Variants in CCDC144A observed in about 807,000 individuals in gnomAD.
CCDC144A encodes coiled-coil domain containing 144A.
Under a neutral mutation model 143.8 loss-of-function variants are expected in CCDC144A, and 41 were observed. The ratio of observed to expected loss-of-function variants is 0.29; its 90% CI spans 0.22 to 0.37. The LOEUF is 0.37. Among genes scored for constraint, CCDC144A ranks in the 10% least tolerant of loss-of-function variants. The pLI, the probability that CCDC144A is intolerant of heterozygous loss-of-function variation, is 1.00. For missense variants in CCDC144A, 637 were observed against 1,488.8 expected, an observed-to-expected ratio of 0.43 and a Z score of 9.41; for synonymous variants, 242 against 517.9, an observed-to-expected ratio of 0.47 and a Z score of 7.23.
the CCDC144A span, chr17:16,683,885 G>A: frequency 4.5e-6 from 6 of 1,345,652 alleles, no homozygotes; most frequent in Non-Finnish European, 6.4e-6. Context: ...CGTCGTCTAC[G>A]CTGATGGCTG....
chr17:16,703,540 A>C (rs3101955), intron 2 of CCDC144A, among the ~76,000 whole-genome samples: 151,777 of 152,278 alleles, frequency 1, 75,647 homozygotes, highest in Middle Eastern at 1. Flanking sequence ...CGTGGTGGCT[A>C]ACGCCTGTAA....
Position 16,776,497 on chromosome 17 carries a change from C to T in CCDC144A, c.*2864C>T, listed in dbSNP as rs1264823494. The T allele has an allele frequency of 7.2e-5, 11 of 152,218 alleles. No individual in the cohort carries two copies. Among genetic ancestry groups the T allele is most frequent in the African/African-American group, 1.2e-4 (5 of 41,434 alleles). 9.4% of individuals were successfully genotyped at this position (152,218 alleles called of 1,614,324 possible). A position where few individuals can be genotyped will look rare whatever the true frequency, so the allele number is the denominator to read the frequency against. ...GGGAGTTAATTCATGAGTTTTCTCT[C>T]GGCTTGCCTGTTGTTGGTGTATAGG... On this transcript the variant is annotated 3_prime_UTR_variant, in exon 17 of 17. Transcript: ENST00000399273.
the CCDC144A span, among the ~76,000 whole-genome samples, chr17:16,673,719 C>A: frequency 6.6e-6 from 1 of 152,074 alleles, no homozygotes; most frequent in Admixed American, 6.6e-5. Flanking sequence ...TTTATACTAT[C>A]GTTTAATCTA....
At chr17:16,755,078 T>C (rs540509063) in intron 12 of CCDC144A, among the ~76,000 whole-genome samples, 2 of 152,398 alleles carry the variant, frequency 1.3e-5, no homozygotes, top group South Asian at 4.1e-4. Flanking sequence ...GGTTTCCATT[T>C]GCATGGAATA....
chr17:16,721,953 A>G (rs1913114952), intron 8 of CCDC144A, among the ~76,000 whole-genome samples: 1 of 152,180 alleles, frequency 6.6e-6, no homozygotes, highest in Non-Finnish European at 1.5e-5. Flanking sequence ...TTTCTTTCCT[A>G]ACTGCACTGG....
At chr17:16,686,101 T>TG (rs202220807), upstream of CCDC144A, among the ~76,000 whole-genome samples, 453 of 147,436 alleles carry the variant, frequency 3.1e-3, 2 homozygotes, top group South Asian at 0.018. Context: ...GTTTTTTTTT[T>TG]TTTTTTTTTT....
At chr17:16,732,790 C>T (rs1393659230) in intron 11 of CCDC144A, 124 bp downstream of exon 11, 16 of 727,564 alleles carry the variant, frequency 2.2e-5, no homozygotes, top group African/African-American at 7.4e-5. Context: ...CACACACACA[C>T]ACACATTTGG....
At chr17:16,697,488 A>C (rs1294842438) in intron 2 of CCDC144A, among the ~76,000 whole-genome samples, 2 of 152,168 alleles carry the variant, frequency 1.3e-5, no homozygotes, top group Non-Finnish European at 2.9e-5. Flanking sequence ...ACAGGGAAAC[A>C]AAAGAAACAT....
chr17:16,748,328 T>G (rs536852685), intron 12 of CCDC144A, among the ~76,000 whole-genome samples: 90 of 152,328 alleles, frequency 5.9e-4, no homozygotes, highest in Non-Finnish European at 8.5e-4. Context: ...ATTGAAAGCT[T>G]TTTTGCATCT....
upstream of CCDC144A, among the ~76,000 whole-genome samples, chr17:16,688,404 C>T (rs1410315454): frequency 6.6e-6 from 1 of 151,648 alleles, no homozygotes; most frequent in Non-Finnish European, 1.5e-5. Flanking sequence ...GACTAAATGC[C>T]AACTGAGACC....
At chr17:16,704,480 A>G (rs1164122524) in intron 2 of CCDC144A, among the ~76,000 whole-genome samples, 5 of 152,026 alleles carry the variant, frequency 3.3e-5, no homozygotes, top group Non-Finnish European at 5.9e-5. Context: ...AAAATTTTAC[A>G]TCCCAACAAT....
chr17:16,767,294 C>CAAAAAAAA (rs765969718), intron 15 of CCDC144A: 3 of 95,370 alleles, frequency 3.1e-5, no homozygotes, highest in African/African-American at 4.5e-5. Flanking sequence ...GACTCCATCT[C>CAAAAAAAA]AAAAAAAAAA....
At chr17:16,677,369 C>G in the CCDC144A span, among the ~76,000 whole-genome samples, 1 of 152,098 alleles carries the variant, frequency 6.6e-6, no homozygotes, top group Non-Finnish European at 1.5e-5. Flanking sequence ...CCAGAGGGGA[C>G]CAGCAAATAC....
the CCDC144A span, among the ~76,000 whole-genome samples, chr17:16,681,580 G>A: frequency 6.6e-6 from 1 of 152,056 alleles, no homozygotes; most frequent in African/African-American, 2.4e-5. Flanking sequence ...AGCGTTGGCC[G>A]GGCATGGTGG....
chr17:16,700,181 A>G (rs1187391056), intron 2 of CCDC144A, among the ~76,000 whole-genome samples: 1 of 152,234 alleles, frequency 6.6e-6, no homozygotes, highest in African/African-American at 2.4e-5. Flanking sequence ...GAAAAGGTGC[A>G]TGTGTCAAAG....
intron 2 of CCDC144A, chr17:16,695,229 ATAATTAT>A (rs1911329867): frequency 6.6e-6 from 1 of 152,238 alleles, no homozygotes; most frequent in Admixed American, 6.5e-5. Flanking sequence ...CACTTAACAA[ATAATTAT>A]CAAATGTCTT....
chr17:16,763,733 T>C (rs1416899778), intron 14 of CCDC144A, among the ~76,000 whole-genome samples: 2 of 151,552 alleles, frequency 1.3e-5, no homozygotes. Flanking sequence ...TCCCTCTCTT[T>C]GAACTACTTG....
chr17:16,669,504 G>T, the CCDC144A span, among the ~76,000 whole-genome samples: 3 of 152,184 alleles, frequency 2.0e-5, no homozygotes, highest in African/African-American at 7.2e-5. Flanking sequence ...TAATATTTCT[G>T]TGTGTGCTTA....
chr17:16,677,163 A>C, the CCDC144A span, among the ~76,000 whole-genome samples: 1 of 152,118 alleles, frequency 6.6e-6, no homozygotes, highest in Admixed American at 6.6e-5. Flanking sequence ...CTCCTTCTGC[A>C]CCTTCGTCCG....
Sources: gnomAD v4.1 joint callset for allele counts (sites outside exome capture counted in the v4.1 genomes callset) on GRCh38, gnomAD v4.1.1 for gene constraint, MANE v1.5 for transcripts, NCBI Gene and HGNC (gene_info 2026-07-23, HGNC 2026-07-21) for gene names.